SLC49A4: variants seen among roughly 807,000 people sequenced by gnomAD.
SLC49A4 encodes the protein disrupted in renal cancer protein 2.
A neutral mutation model predicts 50.6 loss-of-function variants in SLC49A4; 36 were observed. That is an observed-to-expected ratio of 0.71 (90% CI 0.55 to 0.94). SLC49A4 has a LOEUF of 0.94. SLC49A4 is among the 40% of genes least tolerant of loss of function. The pLI is 0.00. For synonymous variants in SLC49A4, 248 were observed against 241.2 expected (o/e 1.03, Z -0.26); for missense variants, 503 against 605.7 (o/e 0.83, Z 1.78).
intron 7 of SLC49A4, among the ~76,000 whole-genome samples, chr3:122,865,529 A>G (rs1031319290): frequency 6.6e-6 from 1 of 152,210 alleles, no homozygotes; most frequent in South Asian, 2.1e-4. Flanking sequence ...AGAAATGTAT[A>G]TATCTGTGTG....
At chr3:122,865,176 G>C (rs1182243011) in intron 7 of SLC49A4, among the ~76,000 whole-genome samples, 1 of 152,154 alleles carries the variant, frequency 6.6e-6, no homozygotes, top group Non-Finnish European at 1.5e-5. Context: ...AGAAAAAGTA[G>C]AATATGGATT....
chr3:122,865,226 A>G (rs1250457134), intron 7 of SLC49A4, among the ~76,000 whole-genome samples: 2 of 152,226 alleles, frequency 1.3e-5, no homozygotes, highest in Non-Finnish European at 2.9e-5. Flanking sequence ...TTAATGTAAG[A>G]ATCATTAAAT....
intron 7 of SLC49A4, among the ~76,000 whole-genome samples, chr3:122,865,943 TTG>T (rs1937113171): frequency 6.6e-6 from 1 of 152,182 alleles, no homozygotes; most frequent in Non-Finnish European, 1.5e-5. Flanking sequence ...TAAAAATCTG[TTG>T]TGTTATTTTA....
At chr3:122,843,326 G>A (rs1408573035) in intron 4 of SLC49A4, among the ~76,000 whole-genome samples, 1 of 151,888 alleles carries the variant, frequency 6.6e-6, no homozygotes, top group East Asian at 1.9e-4. Flanking sequence ...AACCAGTCTC[G>A]TTTTATCTTT....
At chr3:122,809,303 G>A (rs1936265290) in intron 2 of SLC49A4, among the ~76,000 whole-genome samples, 1 of 152,098 alleles carries the variant, frequency 6.6e-6, no homozygotes, top group Non-Finnish European at 1.5e-5. Flanking sequence ...TTTAACACAA[G>A]TCTCATTATT....
chr3:122,829,143 T>C (rs1936577437), intron 3 of SLC49A4, among the ~76,000 whole-genome samples: 1 of 152,166 alleles, frequency 6.6e-6, no homozygotes, highest in African/African-American at 2.4e-5. Context: ...AAACTACAGA[T>C]CCAAATCTCA....
intron 2 of SLC49A4, among the ~76,000 whole-genome samples, chr3:122,810,100 G>T (rs1410129264): frequency 1.3e-5 from 2 of 152,136 alleles, no homozygotes; most frequent in African/African-American, 2.4e-5. Context: ...GTTTCACTCG[G>T]AGCTTTTTGA....
At position 122,795,130 on chromosome 3, in the gene SLC49A4, G is replaced by T; in HGVS notation, c.-63G>T. 1 of 1,295,044 alleles carries T rather than the reference G, an allele frequency of 7.7e-7. No individual in the cohort carries two copies. The highest frequency in any genetic ancestry group is 9.7e-7 in the Non-Finnish European group (1 of 1,029,542). 80.2% of individuals were successfully genotyped at this position (1,295,044 alleles called of 1,614,324 possible). A position where few individuals can be genotyped will look rare whatever the true frequency, so the allele number is the denominator to read the frequency against. ...CTCCTGCTGCTCAGGACTATTCTGC[G>T]CTGGGCTAGTCGGCGGTGACCCGGA... On this transcript the variant is annotated 5_prime_UTR_variant, in exon 1 of 9. Transcript: ENST00000261038.
chr3:122,825,104 C>T (rs1225184010), intron 2 of SLC49A4, among the ~76,000 whole-genome samples: 5 of 152,124 alleles, frequency 3.3e-5, no homozygotes, highest in Non-Finnish European at 4.4e-5. Flanking sequence ...TCTCCTTCTA[C>T]CCTTAACATT....
rs1166823314 is a variant in SLC49A4, at chr3:122,852,237, C to T, written c.943-4070C>T. Among the ~76,000 whole-genome samples the T allele has an allele frequency of 2.0e-5, 3 of 152,284 alleles. No individual in the cohort carries two copies. The South Asian group carries it at 6.2e-4, about 32-fold the overall frequency. On this transcript the variant is annotated intron_variant, in intron 5 of 8. Transcript: ENST00000261038. Reference sequence around the variant, plus strand: ...AAACTCCTGACCTCAGGTGATTCGCCTGCTTTGGCTTCCCAAAGTGCTGGG... The same window carrying T: ...AAACTCCTGACCTCAGGTGATTCGCTTGCTTTGGCTTCCCAAAGTGCTGGG...
chr3:122,831,300 A>T (rs1422867148), intron 3 of SLC49A4, among the ~76,000 whole-genome samples: 1 of 152,180 alleles, frequency 6.6e-6, no homozygotes, highest in East Asian at 1.9e-4. Flanking sequence ...AAATGAAAAC[A>T]TACACCCATG....
At chr3:122,867,038 C>G (rs1264610244) in intron 7 of SLC49A4, among the ~76,000 whole-genome samples, 1 of 152,160 alleles carries the variant, frequency 6.6e-6, no homozygotes, top group East Asian at 1.9e-4. Flanking sequence ...ATTTACTGCT[C>G]TAACATAGCA....
intron 1 of SLC49A4, among the ~76,000 whole-genome samples, chr3:122,802,658 A>G (rs1936149194): frequency 6.6e-6 from 1 of 152,262 alleles, no homozygotes; most frequent in African/African-American, 2.4e-5. Context: ...AAGCATGAGC[A>G]CATTAAGGAG....
chr3:122,842,314 G>A (rs570825983), intron 4 of SLC49A4, among the ~76,000 whole-genome samples: 1 of 151,808 alleles, frequency 6.6e-6, no homozygotes, highest in African/African-American at 2.4e-5. Context: ...GTGAAACCCC[G>A]TCTCTACTAA....
chr3:122,826,841 CA>C lies in SLC49A4; in HGVS notation c.481del (p.Thr161LeufsTer2). ...GGQMLNGLAG[P>X]TVMNAAPFLS... ...CAGATGTTAAATGGATTGGCAGGTC[CA>C]ACTGTAATGAATGCAGCACCATTTC... is the stretch of plus-strand genomic sequence containing the variant. On this transcript the variant is annotated frameshift_variant, in exon 3 of 9. Transcript: ENST00000261038. LOFTEE classifies it high-confidence loss of function. The C allele has an allele frequency of 6.2e-7, 1 of 1,614,092 alleles. No individual in the cohort carries two copies. The highest frequency in any genetic ancestry group is 8.5e-7 in the Non-Finnish European group (1 of 1,179,966).
chr3:122,798,067 A>G (rs911540221), intron 1 of SLC49A4, among the ~76,000 whole-genome samples: 4 of 152,164 alleles, frequency 2.6e-5, no homozygotes, highest in African/African-American at 9.7e-5. Flanking sequence ...AAAAGATTGT[A>G]TTTGTTTCCA....
intron 2 of SLC49A4, among the ~76,000 whole-genome samples, chr3:122,822,085 G>A (rs1936461721): frequency 6.6e-6 from 1 of 152,136 alleles, no homozygotes; most frequent in African/African-American, 2.4e-5. Context: ...CTGCTGCCAT[G>A]ATCCTGACCT....
At chr3:122,814,305 T>C (rs185722518) in intron 2 of SLC49A4, among the ~76,000 whole-genome samples, 1 of 152,136 alleles carries the variant, frequency 6.6e-6, no homozygotes, top group East Asian at 1.9e-4. Context: ...AGGGAAAGAT[T>C]TGTGATTTGG....
intron 4 of SLC49A4, among the ~76,000 whole-genome samples, chr3:122,844,592 G>A (rs1936822795): frequency 6.6e-6 from 1 of 152,092 alleles, no homozygotes; most frequent in African/African-American, 2.4e-5. Context: ...GGCCAGCCTG[G>A]CCAACATGGC....
Sources: gnomAD v4.1 joint callset for allele counts (sites outside exome capture counted in the v4.1 genomes callset) on GRCh38, gnomAD v4.1.1 for gene constraint, MANE v1.5 for transcripts, NCBI Gene and HGNC (gene_info 2026-07-23, HGNC 2026-07-21) for gene names.